The following SAMMSON variants were observed in gnomAD, a reference collection of about 807,000 sequenced individuals.
SAMMSON encodes survival associated mitochondrial melanoma specific oncogenic non-coding RNA.
intron 4 of SAMMSON, among the ~76,000 whole-genome samples, chr3:70,220,480 C>T (rs1701452683): frequency 6.6e-6 from 1 of 151,858 alleles, no homozygotes; most frequent in African/African-American, 2.4e-5. Context: ...TGCTGACTGA[C>T]AGCAAAAATT....
intron 7 of SAMMSON, among the ~76,000 whole-genome samples, chr3:70,314,196 C>T (rs2106712797): frequency 6.6e-6 from 1 of 152,298 alleles, no homozygotes; most frequent in Non-Finnish European, 1.5e-5. Context: ...CAACCAAGGG[C>T]CTAGCCTCTA....
intron 4 of SAMMSON, among the ~76,000 whole-genome samples, chr3:70,165,323 C>T (rs918136905): frequency 1.3e-5 from 2 of 151,946 alleles, no homozygotes; most frequent in African/African-American, 4.8e-5. Context: ...AAAACCTAAT[C>T]TGTTGGTATT....
chr3:70,421,449 T>G (rs1484785115), intron 2 of SAMMSON, among the ~76,000 whole-genome samples: 1 of 152,154 alleles, frequency 6.6e-6, no homozygotes, highest in East Asian at 1.9e-4. Flanking sequence ...TTAGGAGGAT[T>G]TCTTTCTAAA....
intron 7 of SAMMSON, among the ~76,000 whole-genome samples, chr3:70,351,891 T>C (rs994244684): frequency 6.6e-6 from 1 of 152,044 alleles, no homozygotes; most frequent in African/African-American, 2.4e-5. Context: ...ACTGATTAGG[T>C]TCGTATTTAG....
rs568774669 is a variant in SAMMSON at position 70,379,370 on chromosome 3, G to A, written n.914-10204G>A. Among the ~76,000 whole-genome samples the A allele has an allele frequency of 9.2e-5, 14 of 152,286 alleles. No homozygotes were observed. In the South Asian group the frequency reaches 2.9e-3, roughly 32 times the overall value. ...TTGCTAAATCTAACAGCCTTGTTTG[G>A]GGAGAAGACTCTGAAATGGAGTTTA... is the stretch of plus-strand genomic sequence containing the variant. On this transcript the variant is annotated intron_variant and non_coding_transcript_variant, in intron 9 of 9. Coordinates refer to ENST00000642114, the Ensembl canonical transcript of SAMMSON.
chr3:70,174,321 T>C (rs1700991296), intron 4 of SAMMSON, among the ~76,000 whole-genome samples: 2 of 151,986 alleles, frequency 1.3e-5, no homozygotes, highest in South Asian at 2.1e-4. Context: ...CCTAATCACA[T>C]GTTGATATAT....
At chr3:70,154,742 T>C (rs2067585359) in intron 4 of SAMMSON, among the ~76,000 whole-genome samples, 1 of 152,044 alleles carries the variant, frequency 6.6e-6, no homozygotes, top group African/African-American at 2.4e-5. Flanking sequence ...CTGAACTTGT[T>C]TTAAGAAAGT....
At chr3:70,324,920 C>CA (rs5849946) in intron 7 of SAMMSON, among the ~76,000 whole-genome samples, 85,345 of 134,672 alleles carry the variant, frequency 0.63, 25,858 homozygotes, top group Admixed American at 0.68. Flanking sequence ...TGTAAATGGC[C>CA]AAAAAAAAAA....
At chr3:70,304,771 C>T (rs1702383959) in intron 7 of SAMMSON, among the ~76,000 whole-genome samples, 1 of 152,032 alleles carries the variant, frequency 6.6e-6, no homozygotes, top group African/African-American at 2.4e-5. Flanking sequence ...CATATGTTAC[C>T]CTGTTTAGAA....
intron 3 of SAMMSON, among the ~76,000 whole-genome samples, chr3:70,056,050 T>C (rs1014442917): frequency 6.6e-6 from 1 of 152,066 alleles, no homozygotes; most frequent in Non-Finnish European, 1.5e-5. Flanking sequence ...CTGTTTTCTT[T>C]CCAGGATCAC....
In SAMMSON at chr3:70,264,452, A is replaced by G. The variant is rs371498005; in HGVS notation, n.674+14782A>G. Among the ~76,000 whole-genome samples, 14 of 152,356 alleles carry G rather than the reference A, an allele frequency of 9.2e-5. No individual in the cohort carries two copies. The South Asian group carries it at 2.9e-3, about 32-fold the overall frequency. ...ACTGAATATCGGCTTGCTAATTAAC[A>G]GATCACAAGGATCAATGTGCCTGAG... On this transcript the variant is annotated intron_variant and non_coding_transcript_variant, in intron 6 of 9. Transcript: ENST00000642114.
At chr3:70,263,295 T>C (rs1288377478) in intron 6 of SAMMSON, among the ~76,000 whole-genome samples, 1 of 152,054 alleles carries the variant, frequency 6.6e-6, no homozygotes, top group Non-Finnish European at 1.5e-5. Flanking sequence ...TTTAAAAAAA[T>C]ATTCTTTTAA....
At chr3:70,204,005 T>G (rs1701267282) in intron 4 of SAMMSON, among the ~76,000 whole-genome samples, 1 of 152,178 alleles carries the variant, frequency 6.6e-6, no homozygotes, top group East Asian at 1.9e-4. Flanking sequence ...CAGTGTGTGA[T>G]GTGCAGTAAA....
chr3:70,049,030 A>G (rs777666919), intron 3 of SAMMSON, among the ~76,000 whole-genome samples: 7 of 152,134 alleles, frequency 4.6e-5, no homozygotes, highest in Non-Finnish European at 7.4e-5. Flanking sequence ...TTTGCTCTGT[A>G]TTTTCTAAGA....
chr3:70,250,833 G>A (rs796501065), intron 6 of SAMMSON, among the ~76,000 whole-genome samples: 1 of 152,056 alleles, frequency 6.6e-6, no homozygotes, highest in Non-Finnish European at 1.5e-5. Flanking sequence ...GTTCTTTTCA[G>A]GGAAAGCCAG....
At chr3:70,345,738 A>G (rs73106691) in intron 7 of SAMMSON, among the ~76,000 whole-genome samples, 4,556 of 147,940 alleles carry the variant, frequency 0.031, 78 homozygotes, top group Middle Eastern at 0.084. Context: ...TTGGAATCAT[A>G]TAGTATGTAG....
intron 4 of SAMMSON, among the ~76,000 whole-genome samples, chr3:70,179,684 G>A (rs1050721711): frequency 1.3e-5 from 2 of 152,178 alleles, no homozygotes; most frequent in Non-Finnish European, 2.9e-5. Flanking sequence ...TTGTACATGA[G>A]AGTGGCTGAC....
intron 7 of SAMMSON, among the ~76,000 whole-genome samples, chr3:70,310,929 T>C (rs867757632): frequency 6.6e-6 from 1 of 152,298 alleles, no homozygotes; most frequent in Middle Eastern, 3.4e-3. Flanking sequence ...TTTAGGCAAG[T>C]TACTAGAACT....
chr3:70,273,741 C>CT (rs1164623974), intron 6 of SAMMSON, among the ~76,000 whole-genome samples: 25 of 152,188 alleles, frequency 1.6e-4, no homozygotes, highest in Non-Finnish European at 3.2e-4. Context: ...TAAAGAGTAG[C>CT]TTTTTCAGAT....
Sources: allele counts gnomAD v4.1 joint callset (sites outside exome capture counted in the v4.1 genomes callset), GRCh38; gene constraint gnomAD v4.1.1; transcripts MANE v1.5; gene names NCBI Gene and HGNC (gene_info 2026-07-23, HGNC 2026-07-21).